Variants in CHTOP observed in about 807,000 individuals in gnomAD.
The protein encoded by CHTOP is chromatin target of PRMT1.
CHTOP carries 18 observed loss-of-function variants against 33.6 expected under a neutral mutation model. The ratio of observed to expected loss-of-function variants is 0.54; its 90% CI spans 0.37 to 0.80. CHTOP has a LOEUF of 0.80. CHTOP is among the 30% of genes least tolerant of loss of function. The pLI is 0.00. For synonymous variants in CHTOP, 117 were observed against 127.7 expected (o/e 0.92, Z 0.56); for missense variants, 263 against 336.8 (o/e 0.78, Z 1.71).
rs780450885 is a variant in CHTOP, at chr1:153,638,500, G to C, written c.219+52G>C. The C allele has an allele frequency of 1.1e-5, 17 of 1,600,308 alleles. No homozygotes were observed. The South Asian group carries it at 1.8e-4, about 17-fold the overall frequency. ...GAAGCAGCTGGTGATCTCTGTGAGG[G>C]AGTCCACTGAGGCTGTCAGGACGTG... On this transcript the variant is annotated intron_variant, in intron 3 of 5. Coordinates refer to ENST00000368694, the MANE Select transcript of CHTOP (RefSeq NM_015607.4).
At chr1:153,636,461 C>G (rs2101682341) in intron 1 of CHTOP, 111 bp from the exon 2 acceptor site, 7 of 714,286 alleles carry the variant, frequency 9.8e-6, no homozygotes, top group South Asian at 1.9e-5. Context: ...CTCGTGTGCT[C>G]TTTAGTCATC....
At chr1:153,644,998 T>A in intron 5 of CHTOP, 66 bp from the exon 6 acceptor site, 1 of 1,471,094 alleles carries the variant, frequency 6.8e-7, no homozygotes, top group Non-Finnish European at 9.3e-7. Flanking sequence ...AAGGGGCATT[T>A]ACTACAGCAC....
chr1:153,634,857 T>TGTATATATATACATACATATATATATATA (rs751998358), intron 1 of CHTOP, among the ~76,000 whole-genome samples: 1 of 86,820 alleles, frequency 1.2e-5, no homozygotes, highest in Non-Finnish European at 2.4e-5. Context: ...TATATATATA[T>TGTATATATATACATACATATATATATATA]TTTTTTTTGG....
Position 153,638,719 on chromosome 1 carries a change from C to T in CHTOP, c.219+271C>T, listed in dbSNP as rs185169966. Among the ~76,000 whole-genome samples, 39 of 152,288 alleles carry T rather than the reference C, an allele frequency of 2.6e-4. No homozygotes were observed. The East Asian group carries it at 7.3e-3, about 29-fold the overall frequency. ...ATCTTTTGTTTTCTGATCCTTAACC[C>T]TTAACATAGATTAATGGCTTATTCC... On this transcript the variant is annotated intron_variant, in intron 3 of 5. Transcript: ENST00000368694.
intron 3 of CHTOP, 50 bp downstream of exon 3, chr1:153,638,498 G>T: frequency 6.2e-7 from 1 of 1,606,084 alleles, no homozygotes; most frequent in East Asian, 2.2e-5. Flanking sequence ...ATCTCTGTGA[G>T]GGAGTCCACT....
rs1668485781 is a variant in CHTOP, at chr1:153,638,304, T to C, written c.75T>C (p.Asn25=). ...TKMSLNERFT[N]MLKNKQPTPV... is the part of the protein sequence containing the mutation. Reference sequence around the variant, plus strand: ...TTGTTCGACCTTGAAGCTTTACTAATATGCTGAAGAACAAACAGCCGACGC... The same window carrying C: ...TTGTTCGACCTTGAAGCTTTACTAACATGCTGAAGAACAAACAGCCGACGC... Residue 25 remains asparagine (N), a synonymous_variant, in exon 3 of 6, where the codon AAT becomes AAC. Coordinates refer to ENST00000368694, the MANE Select transcript of CHTOP (RefSeq NM_015607.4). 6.2e-7 allele frequency: 1 copy of C among 1,614,096 alleles called. No homozygotes were observed. Among genetic ancestry groups the C allele is most frequent in the Admixed American group, 1.7e-5 (1 of 60,004 alleles).
chr1:153,637,104 C>G (rs1223835257), intron 2 of CHTOP: 1 of 154,846 alleles, frequency 6.5e-6, no homozygotes. Context: ...ACTCGCTTTG[C>G]TCCATTTCAC....
chr1:153,639,457 G>A, intron 3 of CHTOP: 1 of 948,608 alleles, frequency 1.1e-6, no homozygotes, highest in Non-Finnish European at 1.3e-6. Flanking sequence ...CAACTGTAAG[G>A]GCTTTGGTAG....
At chr1:153,643,186 T>A (rs766369141) in intron 4 of CHTOP, 41 bp from the exon 5 acceptor site, 4 of 1,612,850 alleles carry the variant, frequency 2.5e-6, no homozygotes, top group Non-Finnish European at 3.4e-6. Context: ...TTTGTGTCTC[T>A]TGGATTTACC....
chr1:153,640,440 G>C (rs896782461), intron 3 of CHTOP, among the ~76,000 whole-genome samples: 5 of 152,066 alleles, frequency 3.3e-5, no homozygotes, highest in African/African-American at 1.2e-4. Context: ...CTGCATTCCA[G>C]CTTGGGTGAC....
chr1:153,646,183 CATT>C lies in CHTOP; in HGVS notation c.*916_*918del, dbSNP rs1668820894. 2 of 152,156 alleles carry C rather than the reference CATT, an allele frequency of 1.3e-5. No homozygotes were observed. Among genetic ancestry groups the C allele is most frequent in the African/African-American group, 2.4e-5 (1 of 41,416 alleles). 9.4% of individuals were successfully genotyped at this position (152,156 alleles called of 1,614,324 possible). Reference sequence around the variant, plus strand: ...CAAACTAATCTTGGACTTTTCCACTCATTAGCTTTGTTTTGCCCTTGTTTCCCT... The same window carrying C: ...CAAACTAATCTTGGACTTTTCCACTCAGCTTTGTTTTGCCCTTGTTTCCCT... On this transcript the variant is annotated 3_prime_UTR_variant, in exon 6 of 6. Transcript: ENST00000368694.
At chr1:153,635,664 T>TA (rs1011177383) in intron 1 of CHTOP, among the ~76,000 whole-genome samples, 23 of 150,622 alleles carry the variant, frequency 1.5e-4, no homozygotes, top group East Asian at 5.9e-4. Flanking sequence ...CTACTAAAAA[T>TA]AAAAAAAAAT....
chr1:153,640,326 A>G (rs976796904), intron 3 of CHTOP, among the ~76,000 whole-genome samples: 1 of 149,458 alleles, frequency 6.7e-6, no homozygotes, highest in African/African-American at 2.5e-5. Flanking sequence ...AAAAAAAAAA[A>G]GCCGGGCATG....
chr1:153,642,871 G>A (rs1008234734), intron 4 of CHTOP: 21 of 313,448 alleles, frequency 6.7e-5, no homozygotes, highest in African/African-American at 4.3e-4. Flanking sequence ...CTATTACTCT[G>A]TTCCCTGTAT....
intron 4 of CHTOP, chr1:153,642,841 A>G: frequency 7.6e-6 from 2 of 262,368 alleles, no homozygotes; most frequent in South Asian, 8.6e-5. Flanking sequence ...GCACTTACCT[A>G]TATATGTTCA....
chr1:153,640,466 C>T (rs947494682), intron 3 of CHTOP, among the ~76,000 whole-genome samples: 33 of 151,814 alleles, frequency 2.2e-4, no homozygotes, highest in African/African-American at 7.7e-4. Context: ...GACTCTGTCT[C>T]AAGAAAATAA....
intron 5 of CHTOP, 118 bp from the exon 6 acceptor site, chr1:153,644,946 T>A: frequency 1.2e-6 from 1 of 843,424 alleles, no homozygotes; most frequent in South Asian, 1.8e-5. Context: ...TTCTCCTCTT[T>A]GCCCTGCCCT....
At chr1:153,641,918 T>C (rs759612044) in intron 3 of CHTOP, among the ~76,000 whole-genome samples, 24 of 152,222 alleles carry the variant, frequency 1.6e-4, no homozygotes, top group Non-Finnish European at 3.2e-4. Flanking sequence ...GATTGAACTA[T>C]AGAATGTTCT....
intron 3 of CHTOP, among the ~76,000 whole-genome samples, chr1:153,640,180 A>G (rs1668567236): frequency 2.0e-5 from 3 of 152,136 alleles, no homozygotes; most frequent in African/African-American, 7.2e-5. Context: ...GCAATTAAGG[A>G]GCTTAATTTT....
Sources: allele counts gnomAD v4.1 joint callset (sites outside exome capture counted in the v4.1 genomes callset), GRCh38; gene constraint gnomAD v4.1.1; transcripts MANE v1.5; gene names NCBI Gene and HGNC (gene_info 2026-07-23, HGNC 2026-07-21).